The following MYO5B variants were observed in gnomAD, a reference collection of about 807,000 sequenced individuals.
The protein encoded by MYO5B is myosin VB, also known as unconventional myosin-Vb.
A neutral mutation model predicts 229.3 loss-of-function variants in MYO5B; 143 were observed. That is an observed-to-expected ratio of 0.62 (90% CI 0.54 to 0.72). The LOEUF is 0.72. MYO5B is among the 30% of genes least tolerant of loss of function. The pLI is 0.00. For missense variants in MYO5B, 2,321 were observed against 2,331.0 expected (o/e 1.00, Z 0.09); for synonymous variants, 918 against 885.2 (o/e 1.04, Z -0.66).
At chr18:49,975,709 G>T (rs1480815175) in intron 9 of MYO5B, among the ~76,000 whole-genome samples, 1 of 152,146 alleles carries the variant, frequency 6.6e-6, no homozygotes, top group Admixed American at 6.5e-5. Flanking sequence ...AATTCCTCCA[G>T]TTTAGGCCTC....
chr18:49,902,858 C>G (rs2024858398), intron 20 of MYO5B, 25 bp from the exon 21 acceptor site: 1 of 1,597,442 alleles, frequency 6.3e-7, no homozygotes, highest in South Asian at 1.1e-5. Flanking sequence ...GGATACACAT[C>G]TTGTGGGTTT....
chr18:49,832,436 G>C (rs2023934278), intron 39 of MYO5B, among the ~76,000 whole-genome samples: 1 of 152,184 alleles, frequency 6.6e-6, no homozygotes, highest in Non-Finnish European at 1.5e-5. Context: ...AAGTCAATAG[G>C]GTTAACTGTG....
intron 14 of MYO5B, among the ~76,000 whole-genome samples, chr18:49,949,860 T>C (rs1310285329): frequency 6.6e-6 from 1 of 152,162 alleles, no homozygotes; most frequent in Non-Finnish European, 1.5e-5. Flanking sequence ...ATATGCCTCA[T>C]AGGGCTACTA....
chr18:49,904,824 C>T lies in MYO5B; in HGVS notation c.2419G>A (p.Ala807Thr). 2 of 1,613,712 alleles carry T rather than the reference C, an allele frequency of 1.2e-6. No individual in the cohort carries two copies. The highest frequency in any genetic ancestry group is 1.7e-4 in the Middle Eastern group (1 of 6,058). Residue 807 changes from alanine to threonine, a missense_variant, in exon 20 of 40, where the codon GCT becomes ACT. Transcript: ENST00000285039. ...GCTCTGATCCTCCGCAGGTGCTCAG[C>T]CAGCCTGGGGAGCAAGAGGAAACAG... Reference protein sequence around the residue: ...YCRGHLARRLAEHLRRIRAAV... With the variant: ...YCRGHLARRLTEHLRRIRAAV...
intron 6 of MYO5B, 132 bp from the exon 7 acceptor site, chr18:49,990,652 C>A (rs965570789): frequency 1.4e-6 from 1 of 728,906 alleles, no homozygotes; most frequent in Admixed American, 2.0e-5. Flanking sequence ...TCCTCCACAC[C>A]TCTGCCACCT....
intron 29 of MYO5B, among the ~76,000 whole-genome samples, chr18:49,857,214 G>A (rs565870006): frequency 1.1e-4 from 17 of 152,370 alleles, no homozygotes; most frequent in African/African-American, 3.8e-4. Flanking sequence ...ATGGCAGCAA[G>A]GCAGCAGTGT....
Position 50,040,306 on chromosome 18 carries a change from T to C in MYO5B, c.147A>G (p.Glu49=), listed in dbSNP as rs2029975144. The C allele has an allele frequency of 3.7e-6, 6 of 1,614,126 alleles. No individual in the cohort carries two copies. Among genetic ancestry groups the C allele is most frequent in the South Asian group, 2.2e-5 (2 of 91,082 alleles). Residue 49 remains glutamate (E), a synonymous_variant, in exon 3 of 40, where the codon GAA becomes GAG. Coordinates refer to ENST00000285039, the MANE Select transcript of MYO5B (RefSeq NM_001080467.3). ...QLRLEDETIL[E]YPIDVQRNQL... ...GGTTGCGTTGTACATCAATTGGGTA[T>C]TCCAGAATCTAAAGACATGCAAGTA...
intron 22 of MYO5B, among the ~76,000 whole-genome samples, chr18:49,888,519 A>T (rs1296869376): frequency 6.6e-6 from 1 of 152,182 alleles, no homozygotes; most frequent in Non-Finnish European, 1.5e-5. Context: ...GAGGAAGGGC[A>T]CGGGTTTGGG....
chr18:50,065,761 T>C (rs999028765), intron 1 of MYO5B, among the ~76,000 whole-genome samples: 2 of 152,136 alleles, frequency 1.3e-5, no homozygotes, highest in South Asian at 2.1e-4. Context: ...ATTCACAGCA[T>C]GTGACAGGGG....
Position 49,872,188 on chromosome 18 carries a change from A to C in MYO5B, c.3582T>G (p.Asp1194Glu), listed in dbSNP as rs541626099. 35 of 1,614,000 alleles carry C rather than the reference A, an allele frequency of 2.2e-5. No homozygotes were observed. The highest frequency in any genetic ancestry group is 2.9e-5 in the Non-Finnish European group (34 of 1,179,994). ...TTACCTTCAGACTATTGTAGGCCAGATCTGCATTCGGGTCCAAATCTATGT... is the reference window on the plus strand; with the variant it reads ...TTACCTTCAGACTATTGTAGGCCAGCTCTGCATTCGGGTCCAAATCTATGT... The part of the protein sequence containing the change: ...QTDIDLDPNA[D>E]LAYNSLKRQE... The change falls in exon 27 of 40, where the codon GAT (aspartate) becomes GAG (glutamate). Residue 1194 changes from aspartate (D) to glutamate (E), a missense_variant. This residue lies in a region of MYO5B where 2,113 missense variants were observed against 2,044.7 expected (regional missense o/e 1.03). Transcript: ENST00000285039.
At chr18:50,187,827 T>C (rs2033169938) in intron 1 of MYO5B, among the ~76,000 whole-genome samples, 1 of 152,048 alleles carries the variant, frequency 6.6e-6, no homozygotes, top group Non-Finnish European at 1.5e-5. Flanking sequence ...TGACCAATGT[T>C]CTTCAAGTGT....
intron 1 of MYO5B, among the ~76,000 whole-genome samples, chr18:50,078,331 G>A (rs2031136520): frequency 6.6e-6 from 1 of 152,168 alleles, no homozygotes; most frequent in Non-Finnish European, 1.5e-5. Flanking sequence ...TTAGTATTAT[G>A]ACACAGCACA....
At chr18:49,968,478 T>TC (rs1170259902) in intron 10 of MYO5B, among the ~76,000 whole-genome samples, 1 of 152,234 alleles carries the variant, frequency 6.6e-6, no homozygotes, top group African/African-American at 2.4e-5. Flanking sequence ...TTGAAGACTT[T>TC]CCTCTGGAGC....
rs373784012 is a variant in MYO5B at position 50,050,086 on chromosome 18, TTG to T, written c.138+5180_138+5181del. Among the ~76,000 whole-genome samples, 14 of 152,310 alleles carry T rather than the reference TTG, an allele frequency of 9.2e-5. No individual in the cohort carries two copies. In the South Asian group the frequency reaches 1.9e-3, roughly 20 times the overall value. On this transcript the variant is annotated intron_variant, in intron 2 of 39. Coordinates refer to ENST00000285039, the MANE Select transcript of MYO5B (RefSeq NM_001080467.3). ...GCATTATACTTTATGCTGAAACATTTTGTGTGTGTACAATATAACCATAACTG... is the reference window on the plus strand; with the variant it reads ...GCATTATACTTTATGCTGAAACATTTTGTGTGTACAATATAACCATAACTG...
intron 12 of MYO5B, among the ~76,000 whole-genome samples, chr18:49,959,835 C>T (rs950619726): frequency 6.6e-6 from 1 of 152,190 alleles, no homozygotes; most frequent in Non-Finnish European, 1.5e-5. Flanking sequence ...CCCCACCCGC[C>T]ACCAGACATC....
intron 1 of MYO5B, among the ~76,000 whole-genome samples, chr18:50,065,932 G>A (rs148982587): frequency 8.5e-4 from 130 of 152,196 alleles, no homozygotes; most frequent in African/African-American, 3.0e-3. Context: ...AGGAGGGCTC[G>A]CTAAGGAACT....
intron 1 of MYO5B, among the ~76,000 whole-genome samples, chr18:50,108,977 C>G (rs759322375): frequency 7.2e-5 from 11 of 152,180 alleles, no homozygotes; most frequent in Non-Finnish European, 1.2e-4. Flanking sequence ...CTTCTCTGAA[C>G]CAGGCTCCAA....
chr18:50,109,802 G>A (rs1312893842), intron 1 of MYO5B, among the ~76,000 whole-genome samples: 1 of 152,144 alleles, frequency 6.6e-6, no homozygotes, highest in Admixed American at 6.5e-5. Context: ...ACCATGGTGA[G>A]CTACATACAA....
At chr18:50,057,944 G>T (rs1245863200) in intron 1 of MYO5B, among the ~76,000 whole-genome samples, 5 of 152,098 alleles carry the variant, frequency 3.3e-5, no homozygotes, top group Non-Finnish European at 1.5e-5. Context: ...GAATATGTCA[G>T]CAAACTGCAG....
Sources: allele counts gnomAD v4.1 joint callset (sites outside exome capture counted in the v4.1 genomes callset), GRCh38; gene constraint gnomAD v4.1.1; regional missense constraint gnomAD v4.1.1; transcripts MANE v1.5; gene names NCBI Gene and HGNC (gene_info 2026-07-23, HGNC 2026-07-21).